PDE4C: variants seen among roughly 807,000 people sequenced by gnomAD.
PDE4C encodes the protein 3',5'-cyclic-AMP phosphodiesterase 4C.
Under a neutral mutation model 63.9 loss-of-function variants are expected in PDE4C, and 50 were observed. The observed-to-expected ratio is 0.78, with a 90% confidence interval of 0.62 to 0.99. The LOEUF is 0.99. Ranked by LOEUF, PDE4C falls within the 50% of genes least tolerant of loss-of-function variation. PDE4C has a pLI of 0.00. For synonymous variants in PDE4C, 377 were observed against 385.1 expected (o/e 0.98, Z 0.25); for missense variants, 777 against 899.1 (o/e 0.86, Z 1.74).
chr19:18,219,088 G>C (rs1486199110), intron 8 of PDE4C, 50 bp from the exon 9 acceptor site: 1 of 1,580,666 alleles, frequency 6.3e-7, no homozygotes, highest in Non-Finnish European at 8.7e-7. Flanking sequence ...AACTTCCCCA[G>C]ACTCTAGAGC....
At chr19:18,241,514 G>T (rs1043994828) in intron 1 of PDE4C, among the ~76,000 whole-genome samples, 1 of 151,548 alleles carries the variant, frequency 6.6e-6, no homozygotes, top group Non-Finnish European at 1.5e-5. Context: ...TGATCTGCCC[G>T]CCTCGGCCTC....
chr19:18,209,836 G>A (rs1273490471), downstream of PDE4C: 3 of 150,744 alleles, frequency 2.0e-5, no homozygotes, highest in Non-Finnish European at 2.9e-5. Context: ...TGGGATTACA[G>A]GCACCCGCCA....
At chr19:18,233,336 G>GT in exon 1 of PDE4C, 1 of 1,138,860 alleles carries the variant, frequency 8.8e-7, no homozygotes, top group Non-Finnish European at 1.3e-6. Context: ...TGCTGAAGCG[G>GT]TAGAAGGTGG....
chr19:18,221,069 C>A (rs776286914), intron 4 of PDE4C, 36 bp downstream of exon 4: 3 of 1,349,356 alleles, frequency 2.2e-6, no homozygotes, highest in African/African-American at 1.4e-5. Flanking sequence ...TTGTCTCTGC[C>A]GGCCCCGCCC....
At chr19:18,233,244 C>A (rs767058273) in exon 1 of PDE4C, 42 of 1,542,120 alleles carry the variant, frequency 2.7e-5, no homozygotes, top group Non-Finnish European at 3.6e-5. Flanking sequence ...TCCCCGTGAG[C>A]GGGCGCCGAG....
exon 15 of PDE4C, chr19:18,210,934 T>C (rs1967895641): frequency 6.2e-7 from 1 of 1,605,550 alleles, no homozygotes; most frequent in East Asian, 2.2e-5. Context: ...TGGCCCTAAG[T>C]CCTCTGGTTG....
At chr19:18,250,773 A>C (rs1399290320), upstream of PDE4C, among the ~76,000 whole-genome samples, 1 of 124,632 alleles carries the variant, frequency 8.0e-6, no homozygotes. Context: ...TGCCTGGACA[A>C]TTTTTTTTTT....
At chr19:18,221,378 G>C in intron 2 of PDE4C, 81 bp from the exon 3 acceptor site, 2 of 1,379,882 alleles carry the variant, frequency 1.4e-6, no homozygotes, top group Non-Finnish European at 2.0e-6. Flanking sequence ...CAACTGAGGG[G>C]GTCCTGCTCT....
upstream of PDE4C, chr19:18,252,336 G>T (rs936765952): frequency 1.0e-5 from 4 of 399,026 alleles, no homozygotes; most frequent in Non-Finnish European, 1.8e-5. Context: ...GTGGGTTATG[G>T]AGTCTGTCTC....
upstream of PDE4C, chr19:18,226,476 TGCGGGG>T: frequency 7.7e-7 from 1 of 1,302,626 alleles, no homozygotes; most frequent in Non-Finnish European, 9.7e-7. Flanking sequence ...TCTGGACAGC[TGCGGGG>T]GCGGGGCCCA....
chr19:18,214,024 C>T (rs1476799963), intron 12 of PDE4C, among the ~76,000 whole-genome samples: 1 of 151,854 alleles, frequency 6.6e-6, no homozygotes, highest in Non-Finnish European at 1.5e-5. Flanking sequence ...TTTGGGAGGC[C>T]GAGGCAGGTG....
At chr19:18,242,209 C>T (rs1969053202) in intron 1 of PDE4C, among the ~76,000 whole-genome samples, 1 of 152,160 alleles carries the variant, frequency 6.6e-6, no homozygotes, top group African/African-American at 2.4e-5. Flanking sequence ...GGCACTGTGG[C>T]TCACGCCTGT....
Position 18,221,094 on chromosome 19 carries a change from C to G in PDE4C, c.449+11G>C. 6.3e-7 allele frequency: 1 copy of G among 1,579,530 alleles called. No individual in the cohort carries two copies. Reference sequence around the variant, plus strand: ...CGGCCCCGCCCCCGCCCCGCCCCGCCCTCTACCTACTTGGCTGCTCCTAGG... The same window carrying G: ...CGGCCCCGCCCCCGCCCCGCCCCGCGCTCTACCTACTTGGCTGCTCCTAGG... On this transcript the variant is annotated intron_variant, in intron 4 of 14. Coordinates refer to ENST00000262805, the Ensembl canonical transcript of PDE4C.
chr19:18,250,551 TA>T (rs35621146), upstream of PDE4C: 133,459 of 398,056 alleles, frequency 0.34, 24,377 homozygotes, highest in African/African-American at 0.58. Context: ...CAGAGCCTTT[TA>T]AAATCTGTTC....
At chr19:18,224,305 C>T (rs983241007) in intron 1 of PDE4C, 3 of 985,482 alleles carry the variant, frequency 3.0e-6, no homozygotes, top group Non-Finnish European at 3.6e-6. Context: ...CCGCCTGAGA[C>T]TCGGAGCTCC....
In PDE4C at chr19:18,211,747, T is replaced by TC; in HGVS notation, c.1695+11dup. The TC allele has an allele frequency of 3.1e-6, 5 of 1,613,988 alleles. No individual in the cohort carries two copies. Among genetic ancestry groups the TC allele is most frequent in the Non-Finnish European group, 4.2e-6 (5 of 1,179,888 alleles). ...CCCAGTGTCTACCGGTTCAGCCCAG[T>TC]CCCCTGCCAACCTGGGACTTCTCCA... On this transcript the variant is annotated intron_variant, in intron 14 of 14. Coordinates refer to ENST00000262805, the Ensembl canonical transcript of PDE4C.
At chr19:18,227,605 C>T (rs1165377998), upstream of PDE4C, among the ~76,000 whole-genome samples, 1 of 152,156 alleles carries the variant, frequency 6.6e-6, no homozygotes, top group Non-Finnish European at 1.5e-5. Flanking sequence ...CCTTGTTCCA[C>T]TTTACAGAAA....
At chr19:18,222,436 TG>T in intron 1 of PDE4C, 113 bp from the exon 2 acceptor site, 1 of 946,508 alleles carries the variant, frequency 1.1e-6, no homozygotes. Flanking sequence ...CAGGCAAGTG[TG>T]GTTTCCAGCT....
rs1450779351 is a variant in PDE4C at position 18,233,487 on chromosome 19, G to A, written c.-296C>T. 4.6e-6 allele frequency: 3 copies of A among 657,172 alleles called. 1 individual carries two copies. Among genetic ancestry groups the A allele is most frequent in the South Asian group, 3.0e-5 (2 of 66,362 alleles). 40.7% of individuals were successfully genotyped at this position (657,172 alleles called of 1,614,324 possible). A position where few individuals can be genotyped will look rare whatever the true frequency, so the allele number is the denominator to read the frequency against. ...GACCCCCCCCCAACACACCAGCCCC[G>A]AAAACCGTCTGCCGTCCCCTATAGC... On this transcript the variant is annotated 5_prime_UTR_variant, in exon 1 of 15. Transcript: ENST00000594465.
Sources: gnomAD v4.1 joint callset for allele counts (sites outside exome capture counted in the v4.1 genomes callset) on GRCh38, gnomAD v4.1.1 for gene constraint, MANE v1.5 for transcripts, NCBI Gene and HGNC (gene_info 2026-07-23, HGNC 2026-07-21) for gene names.